MACROD1: variants seen among roughly 807,000 people sequenced by gnomAD.
MACROD1 encodes the protein ADP-ribose glycohydrolase MACROD1.
A neutral mutation model predicts 41.4 loss-of-function variants in MACROD1; 31 were observed. That is an observed-to-expected ratio of 0.75 (90% CI 0.56 to 1.01). The LOEUF (loss-of-function observed/expected upper bound fraction) is 1.01. MACROD1 is among the 50% of genes least tolerant of loss of function. MACROD1 has a pLI of 0.00. For synonymous variants in MACROD1, 252 were observed against 203.4 expected (o/e 1.24, Z -2.03); for missense variants, 473 against 460.0 (o/e 1.03, Z -0.26).
At chr11:64,110,338 C>G (rs940227941) in intron 3 of MACROD1, among the ~76,000 whole-genome samples, 3 of 151,726 alleles carry the variant, frequency 2.0e-5, no homozygotes, top group Non-Finnish European at 2.9e-5. Context: ...GGTCCCAGCT[C>G]TGCAGGAGGC....
intron 3 of MACROD1, among the ~76,000 whole-genome samples, chr11:64,021,079 C>T (rs184056811): frequency 4.0e-4 from 61 of 152,276 alleles, no homozygotes; most frequent in African/African-American, 1.4e-3. Context: ...GGTTCTTCCC[C>T]GGCTCTCAGC....
chr11:64,078,972 G>A (rs12224583), intron 3 of MACROD1, among the ~76,000 whole-genome samples: 7,259 of 152,236 alleles, frequency 0.048, 423 homozygotes, highest in East Asian at 0.29. Context: ...GAGGTCTGTA[G>A]ACTCCGACAA....
In MACROD1 at chr11:64,036,885, G is replaced by A. The variant is rs1943392343; in HGVS notation, c.518-21604C>T. Among the ~76,000 whole-genome samples the A allele has an allele frequency of 6.6e-6, 1 of 152,188 alleles. No homozygotes were observed. The highest frequency in any genetic ancestry group is 2.4e-5 in the African/African-American group (1 of 41,464). ...CGCACGCCCCTCCTCGCGGGCACTG[G>A]AGACCCCGGGGAGGAAGGCTGGGGA... is the stretch of plus-strand genomic sequence containing the variant. On this transcript the variant is annotated intron_variant, in intron 3 of 10. Coordinates refer to ENST00000255681, the MANE Select transcript of MACROD1 (RefSeq NM_014067.4). The surrounding 1 kb of genome is among the most constrained non-coding windows in gnomAD (Gnocchi z 5.6).
intron 1 of MACROD1, among the ~76,000 whole-genome samples, chr11:64,153,312 C>G (rs1945613646): frequency 1.3e-5 from 2 of 152,186 alleles, no homozygotes; most frequent in Admixed American, 1.3e-4. Context: ...ACCACAGGCT[C>G]CCGGGATGGG....
chr11:64,081,387 C>T (rs1565223579), intron 3 of MACROD1, among the ~76,000 whole-genome samples: 2 of 152,154 alleles, frequency 1.3e-5, no homozygotes, highest in African/African-American at 4.8e-5. Flanking sequence ...GAGTGCTGGG[C>T]GTGCTCAGGG....
chr11:64,101,333 G>C (rs1944667238), intron 3 of MACROD1, among the ~76,000 whole-genome samples: 1 of 152,182 alleles, frequency 6.6e-6, no homozygotes, highest in Non-Finnish European at 1.5e-5. Context: ...TCAGGATAAA[G>C]CCGAGAAGCT....
At chr11:64,068,730 T>A (rs1944051133) in intron 3 of MACROD1, among the ~76,000 whole-genome samples, 1 of 152,190 alleles carries the variant, frequency 6.6e-6, no homozygotes, top group South Asian at 2.1e-4. Context: ...AAGCTGCAGC[T>A]GGGACAGCTG....
Position 64,083,962 on chromosome 11 carries a change from A to G in MACROD1, c.517+67277T>C, listed in dbSNP as rs541102465. ...GGCAGCCCGGCGCTGCTGTGGGCTGACATGAAGAGTGTCATTTACACAACT... is the reference window on the plus strand; with the variant it reads ...GGCAGCCCGGCGCTGCTGTGGGCTGGCATGAAGAGTGTCATTTACACAACT... On this transcript the variant is annotated intron_variant, in intron 3 of 10. Transcript: ENST00000255681. Among the ~76,000 whole-genome samples, 34 of 152,216 alleles carry G rather than the reference A, an allele frequency of 2.2e-4. No individual in the cohort carries two copies. The East Asian group carries it at 6.6e-3, about 29-fold the overall frequency.
intron 3 of MACROD1, among the ~76,000 whole-genome samples, chr11:64,056,122 A>G (rs1049561933): frequency 6.6e-6 from 1 of 152,086 alleles, no homozygotes; most frequent in Non-Finnish European, 1.5e-5. Context: ...CCCCGGCAAT[A>G]AGCAGCCCCG....
chr11:64,029,159 G>A (rs1362794747), intron 3 of MACROD1, among the ~76,000 whole-genome samples: 3 of 152,236 alleles, frequency 2.0e-5, no homozygotes, highest in Non-Finnish European at 2.9e-5. Flanking sequence ...TCCCAGTGAG[G>A]TGGGGAGTGG....
Position 64,122,267 on chromosome 11 carries a change from G to A in MACROD1, c.517+28972C>T, listed in dbSNP as rs554181815. ...CTAAATAGGCTGGGGCTTGCTCCAC[G>A]CTAACATGGTGCATGCGGCGGCCAG... On this transcript the variant is annotated intron_variant, in intron 3 of 10. Transcript: ENST00000255681. The surrounding 1 kb of genome is among the most constrained non-coding windows in gnomAD (Gnocchi z 4.0). Among the ~76,000 whole-genome samples the A allele has an allele frequency of 4.6e-5, 7 of 152,256 alleles. No individual in the cohort carries two copies. Among genetic ancestry groups the A allele is most frequent in the Admixed American group, 3.9e-4 (6 of 15,300 alleles).
intron 3 of MACROD1, among the ~76,000 whole-genome samples, chr11:64,101,863 C>T (rs1944676723): frequency 6.6e-6 from 1 of 152,122 alleles, no homozygotes. Flanking sequence ...CCTAGGGCAG[C>T]TTGTCCCAAG....
Position 64,036,827 on chromosome 11 carries a change from C to T in MACROD1, c.518-21546G>A, listed in dbSNP as rs1353589036. Among the ~76,000 whole-genome samples, 2 of 152,172 alleles carry T rather than the reference C, an allele frequency of 1.3e-5. No homozygotes were observed. The highest frequency in any genetic ancestry group is 4.8e-5 in the African/African-American group (2 of 41,448). ...GCGGCGGGCACCCCCCATCCCCCAG[C>T]TCTCAAGACAAGGAGGCGGCCCGAC... On this transcript the variant is annotated intron_variant, in intron 3 of 10. Transcript: ENST00000255681. This position sits in a 1 kb window ranked among gnomAD's most constrained non-coding sequence, Gnocchi z 5.6.
At chr11:64,112,084 C>A (rs183491240) in intron 3 of MACROD1, among the ~76,000 whole-genome samples, 1 of 152,336 alleles carries the variant, frequency 6.6e-6, no homozygotes, top group African/African-American at 2.4e-5. Context: ...CCTCTGTTCT[C>A]TCATCTACAG....
intron 3 of MACROD1, among the ~76,000 whole-genome samples, chr11:64,021,333 A>G (rs1943149393): frequency 6.6e-6 from 1 of 152,270 alleles, no homozygotes; most frequent in African/African-American, 2.4e-5. Flanking sequence ...AGGAGGCCAG[A>G]GCCACGAAGG....
chr11:64,084,981 C>T (rs1385985555), intron 3 of MACROD1, among the ~76,000 whole-genome samples: 1 of 152,252 alleles, frequency 6.6e-6, no homozygotes, highest in Non-Finnish European at 1.5e-5. Flanking sequence ...CACATGCAGA[C>T]ACAGTTCTAA....
chr11:64,083,894 C>T (rs1334339423), intron 3 of MACROD1, among the ~76,000 whole-genome samples: 2 of 152,220 alleles, frequency 1.3e-5, no homozygotes, highest in Non-Finnish European at 2.9e-5. Flanking sequence ...GAGCAGCGTG[C>T]AGGCGGGCGT....
chr11:64,025,811 C>A (rs1943217322), intron 3 of MACROD1, among the ~76,000 whole-genome samples: 1 of 151,770 alleles, frequency 6.6e-6, no homozygotes, highest in Admixed American at 6.6e-5. Flanking sequence ...CCATGACCTC[C>A]CGGGCTCAAG....
intron 3 of MACROD1, among the ~76,000 whole-genome samples, chr11:64,078,810 G>C (rs543123282): frequency 6.6e-6 from 1 of 152,230 alleles, no homozygotes; most frequent in South Asian, 2.1e-4. Flanking sequence ...TCTGAGCAGG[G>C]GGTGTGGGGG....
Sources: allele counts gnomAD v4.1 joint callset (sites outside exome capture counted in the v4.1 genomes callset), GRCh38; gene constraint gnomAD v4.1.1; non-coding constraint Gnocchi (gnomAD v3.1); transcripts MANE v1.5; gene names NCBI Gene and HGNC (gene_info 2026-07-23, HGNC 2026-07-21).